Variants in MAN1A2 observed in about 807,000 individuals in gnomAD.
MAN1A2 encodes the protein mannosyl-oligosaccharide 1,2-alpha-mannosidase IB.
MAN1A2 carries 26 observed loss-of-function variants against 75.7 expected under a neutral mutation model. The ratio of observed to expected loss-of-function variants is 0.34; its 90% CI spans 0.25 to 0.48. The LOEUF is 0.48. Ranked by LOEUF, MAN1A2 falls within the 20% of genes least tolerant of loss-of-function variation. The pLI is 0.99. For synonymous variants in MAN1A2, 247 were observed against 264.6 expected (o/e 0.93, Z 0.65); for missense variants, 562 against 775.5 (o/e 0.72, Z 3.27).
At chr1:117,498,838 C>A (rs909132238) in intron 10 of MAN1A2, among the ~76,000 whole-genome samples, 1 of 151,704 alleles carries the variant, frequency 6.6e-6, no homozygotes, top group Admixed American at 6.6e-5. Context: ...AATTTTTGGC[C>A]ACCATATTTT....
intron 3 of MAN1A2, among the ~76,000 whole-genome samples, chr1:117,406,961 T>G (rs1647636510): frequency 6.6e-6 from 1 of 152,110 alleles, no homozygotes; most frequent in South Asian, 2.1e-4. Flanking sequence ...TCTCAGAACA[T>G]CTAATGTATT....
intron 1 of MAN1A2, among the ~76,000 whole-genome samples, chr1:117,378,437 ATATAAT>A (rs1653227679): frequency 6.6e-6 from 1 of 152,176 alleles, no homozygotes; most frequent in Non-Finnish European, 1.5e-5. Context: ...TGGTTCAATT[ATATAAT>A]TATATTATCT....
In MAN1A2 at chr1:117,522,849, T is replaced by C; in HGVS notation, c.1818T>C (p.Gly606=). Residue 606 remains glycine (G), a synonymous_variant, in exon 13 of 13, where the codon GGT becomes GGC. Transcript: ENST00000356554. ...TLKYLYLLFS[G]DDLLPLDHWV... ...GATATTTGTATCTGCTGTTCTCCGG[T>C]GATGACCTTTTACCTTTAGACCACT... is the stretch of plus-strand genomic sequence containing the variant. The C allele has an allele frequency of 6.2e-7, 1 of 1,611,542 alleles. No homozygotes were observed. The highest frequency in any genetic ancestry group is 1.3e-5 in the African/African-American group (1 of 74,848).
At chr1:117,453,060 A>G (rs1037183516) in intron 6 of MAN1A2, among the ~76,000 whole-genome samples, 1 of 152,220 alleles carries the variant, frequency 6.6e-6, no homozygotes, top group Non-Finnish European at 1.5e-5. Context: ...ATGAGAGCAC[A>G]TCTGTTGATG....
In MAN1A2 at chr1:117,402,296, A is replaced by T. The variant is rs763464452; in HGVS notation, c.413A>T (p.Gln138Leu). 1.2e-6 allele frequency: 2 copies of T among 1,613,904 alleles called. No homozygotes were observed. The highest frequency in any genetic ancestry group is 1.7e-6 in the Non-Finnish European group (2 of 1,179,848). The change falls in exon 2 of 13, where the codon CAG becomes CTG. Residue 138 changes from glutamine to leucine, a missense_variant. Gln to Leu is a moderately radical substitution (Grantham distance 113). Transcript: ENST00000356554. ...KSREEIRAEI[Q>L]TEKNKVVQEM... ...AGAGAGGAAATTCGAGCAGAAATTC[A>T]GACAGAGAAAAATAAGGTAGTCCAA... is the stretch of plus-strand genomic sequence containing the variant.
At position 117,493,210 on chromosome 1, in the gene MAN1A2, T is replaced by C. The variant is rs1226791954; in HGVS notation, c.1232T>C (p.Met411Thr). The change falls in exon 9 of 13, where the codon ATG (methionine) becomes ACG (threonine). Residue 411 changes from methionine (M) to threonine (T), a missense_variant. Around this residue, in one of 2 missense-constraint regions of MAN1A2, gnomAD observed 434 missense variants for 645.7 expected, o/e 0.67. Transcript: ENST00000356554. Reference protein sequence around the residue: ...FYEYLLKAWLMSDKTDHEARK... With the variant: ...FYEYLLKAWLTSDKTDHEARK... Reference sequence around the variant, plus strand: ...GAATACTTACTGAAAGCATGGTTGATGTCAGATAAAACAGACCATGAGGCA... The same window carrying C: ...GAATACTTACTGAAAGCATGGTTGACGTCAGATAAAACAGACCATGAGGCA... 6.2e-7 allele frequency: 1 copy of C among 1,612,528 alleles called. No individual in the cohort carries two copies. Among genetic ancestry groups the C allele is most frequent in the South Asian group, 1.1e-5 (1 of 91,040 alleles).
chr1:117,456,109 C>T lies in MAN1A2; in HGVS notation c.951-4380C>T, dbSNP rs372863797. 3.3e-5 allele frequency among the ~76,000 whole-genome samples: 5 copies of T among 151,856 alleles called. No individual in the cohort carries two copies. The East Asian group carries it at 5.8e-4, about 18-fold the overall frequency. ...GCAATTCAACCTTTGTTAATGTGCC[C>T]GAAGAAATTGGATGTATGGACTAAG... On this transcript the variant is annotated intron_variant, in intron 6 of 12. Coordinates refer to ENST00000356554, the MANE Select transcript of MAN1A2 (RefSeq NM_006699.5).
intron 12 of MAN1A2, among the ~76,000 whole-genome samples, chr1:117,522,194 C>A (rs1295622606): frequency 6.6e-6 from 1 of 151,780 alleles, no homozygotes. Flanking sequence ...AAATGAATGA[C>A]AGCAGAGTCC....
chr1:117,451,459 T>A (rs1490958025), intron 6 of MAN1A2, among the ~76,000 whole-genome samples: 2 of 152,134 alleles, frequency 1.3e-5, no homozygotes, highest in African/African-American at 2.4e-5. Context: ...GGGGGACTGT[T>A]GGGAAGGCAT....
chr1:117,391,051 T>C (rs1353701626), intron 1 of MAN1A2, among the ~76,000 whole-genome samples: 1 of 152,182 alleles, frequency 6.6e-6, no homozygotes, highest in Non-Finnish European at 1.5e-5. Context: ...TGATTTCTTC[T>C]TGGACCTGTG....
intron 5 of MAN1A2, among the ~76,000 whole-genome samples, chr1:117,425,938 ATTTTTCAGG>A (rs1007302579): frequency 6.6e-5 from 10 of 152,008 alleles, no homozygotes; most frequent in African/African-American, 2.2e-4. Flanking sequence ...CAGGTTTCTG[ATTTTTCAGG>A]TTTTTCAGGT....
intron 6 of MAN1A2, among the ~76,000 whole-genome samples, chr1:117,450,909 G>A (rs1425768102): frequency 6.6e-6 from 1 of 152,208 alleles, no homozygotes; most frequent in Non-Finnish European, 1.5e-5. Context: ...ACCTCTGCTA[G>A]GGGAGGGCCG....
At chr1:117,434,006 T>C (rs971162581) in intron 5 of MAN1A2, among the ~76,000 whole-genome samples, 2 of 152,194 alleles carry the variant, frequency 1.3e-5, no homozygotes, top group South Asian at 4.2e-4. Context: ...TGGAATGGAG[T>C]TTCTTGTTTG....
intron 1 of MAN1A2, among the ~76,000 whole-genome samples, chr1:117,377,557 A>G (rs555852039): frequency 1.6e-4 from 25 of 152,324 alleles, no homozygotes; most frequent in Non-Finnish European, 3.2e-4. Flanking sequence ...GTGCACAAAG[A>G]AGTGTTCAAG....
intron 1 of MAN1A2, among the ~76,000 whole-genome samples, chr1:117,392,997 C>T (rs894698510): frequency 3.3e-5 from 5 of 152,180 alleles, no homozygotes; most frequent in Non-Finnish European, 5.9e-5. Context: ...TCTTCATTAA[C>T]GTGTTATTTT....
intron 6 of MAN1A2, among the ~76,000 whole-genome samples, chr1:117,450,095 T>C (rs1303439700): frequency 6.6e-6 from 1 of 152,198 alleles, no homozygotes; most frequent in Non-Finnish European, 1.5e-5. Flanking sequence ...GTGGGAAAGT[T>C]TGGAACTTCC....
chr1:117,472,514 T>C (rs946956224), intron 8 of MAN1A2, among the ~76,000 whole-genome samples: 1 of 152,016 alleles, frequency 6.6e-6, no homozygotes, highest in African/African-American at 2.4e-5. Flanking sequence ...CTTGGAGAAC[T>C]TACATTCTGC....
intron 5 of MAN1A2, among the ~76,000 whole-genome samples, chr1:117,434,317 T>C (rs1336934052): frequency 6.6e-6 from 1 of 152,236 alleles, no homozygotes; most frequent in Non-Finnish European, 1.5e-5. Context: ...TGCAATAAAA[T>C]GTACCTATGT....
chr1:117,416,412 CTG>C (rs975712082), intron 4 of MAN1A2, among the ~76,000 whole-genome samples: 11 of 152,158 alleles, frequency 7.2e-5, no homozygotes, highest in South Asian at 2.1e-4. Context: ...TTCTGGAAAA[CTG>C]TGTGGAAATT....
Sources: allele counts gnomAD v4.1 joint callset (sites outside exome capture counted in the v4.1 genomes callset), GRCh38; gene constraint gnomAD v4.1.1; regional missense constraint gnomAD v4.1.1; transcripts MANE v1.5; gene names NCBI Gene and HGNC (gene_info 2026-07-23, HGNC 2026-07-21).